MYLK: variants seen among roughly 807,000 people sequenced by gnomAD.
MYLK encodes the protein myosin light chain kinase, also known as myosin light chain kinase, smooth muscle.
MYLK carries 106 observed loss-of-function variants against 203.4 expected under a neutral mutation model. That is an observed-to-expected ratio of 0.52 (90% confidence interval 0.45 to 0.61). The LOEUF is 0.61. Among genes scored for constraint, MYLK ranks in the 20% least tolerant of loss-of-function variants. The pLI is 0.00. For missense variants in MYLK, 2,072 were observed against 2,442.3 expected, an observed-to-expected ratio of 0.85 and a Z score of 3.20; for synonymous variants, 867 against 959.5, an observed-to-expected ratio of 0.90 and a Z score of 1.78.
Position 123,793,816 on chromosome 3 carries a change from G to T in MYLK, c.26C>A (p.Ser9Ter). The T allele has an allele frequency of 6.2e-7, 1 of 1,614,202 alleles. No homozygotes were observed. The highest frequency in any genetic ancestry group is 8.5e-7 in the Non-Finnish European group (1 of 1,180,042). Residue 9 changes from serine to a stop codon, truncating the protein, a stop_gained, in exon 4 of 34, where the codon TCG becomes TAG. Coordinates refer to ENST00000360304, the MANE Select transcript of MYLK (RefSeq NM_053025.4). LOFTEE classifies it high-confidence loss of function. The part of the protein sequence containing the change: MGDVKLVA[S>*]SHISKTSLSV... Reference sequence around the variant, plus strand: ...GAGGGAGGTTTTGGAAATGTGTGACGAGGCAACCAGCTTCACATCCCCCAT... The same window carrying T: ...GAGGGAGGTTTTGGAAATGTGTGACTAGGCAACCAGCTTCACATCCCCCAT...
chr3:123,871,671 T>C (rs890566864), intron 2 of MYLK, among the ~76,000 whole-genome samples: 2 of 151,942 alleles, frequency 1.3e-5, no homozygotes, highest in Admixed American at 6.6e-5. Flanking sequence ...TAATTTGCTG[T>C]TGAAAATCAT....
chr3:123,616,187 G>GATAAT (rs1459572815), intron 33 of MYLK, among the ~76,000 whole-genome samples: 1 of 152,080 alleles, frequency 6.6e-6, no homozygotes, highest in African/African-American at 2.4e-5. Flanking sequence ...TAAAAGAGCT[G>GATAAT]ATAATATTGC....
rs1209829821 is a variant in MYLK at position 123,734,954 on chromosome 3, A to G, written c.773+444T>C. 7 of 271,658 alleles carry G rather than the reference A, an allele frequency of 2.6e-5. No individual in the cohort carries two copies. The East Asian group carries it at 5.8e-4, about 22-fold the overall frequency. The allele number at this position is 271,658 out of a possible 1,614,324, so 16.8% of individuals were successfully genotyped here. A position where few individuals can be genotyped will look rare whatever the true frequency, so the allele number is the denominator to read the frequency against. ...TCCTCACAGACGCATCCCAGTTGGT[A>G]ATGTGCGTTCGTGTGGTTTAAGCCC... is the stretch of plus-strand genomic sequence containing the variant. On this transcript the variant is annotated intron_variant, in intron 9 of 33. Coordinates refer to ENST00000360304, the MANE Select transcript of MYLK (RefSeq NM_053025.4).
intron 13 of MYLK, among the ~76,000 whole-genome samples, chr3:123,716,960 T>C (rs1288439716): frequency 6.6e-6 from 1 of 152,206 alleles, no homozygotes; most frequent in Admixed American, 6.5e-5. Context: ...AATGAAAATA[T>C]TGGTTATAAA....
At position 123,763,414 on chromosome 3, in the gene MYLK, C is replaced by T. The variant is rs142452385; in HGVS notation, c.166-10876G>A. On this transcript the variant is annotated intron_variant, in intron 4 of 33. Transcript: ENST00000360304. ...CTCTTGGAAATTTCTCATTCTATGCCACCGTTTTGATAGAATACCATTCCA... is the reference window on the plus strand; with the variant it reads ...CTCTTGGAAATTTCTCATTCTATGCTACCGTTTTGATAGAATACCATTCCA... 4.1e-3 allele frequency among the ~76,000 whole-genome samples: 627 copies of T among 152,234 alleles called. 2 individuals carry two copies. The highest frequency in any genetic ancestry group is 5.2e-3 in the South Asian group (25 of 4,826).
At chr3:123,757,124 C>T (rs928635254) in intron 4 of MYLK, among the ~76,000 whole-genome samples, 3 of 152,202 alleles carry the variant, frequency 2.0e-5, no homozygotes, top group African/African-American at 2.4e-5. Context: ...GAACCTGGTG[C>T]TGCCTTGAGA....
chr3:123,817,364 C>T (rs1305782884), intron 3 of MYLK, among the ~76,000 whole-genome samples: 1 of 152,192 alleles, frequency 6.6e-6, no homozygotes, highest in Admixed American at 6.5e-5. Context: ...CAGAGTGGAA[C>T]ATATACTGTG....
intron 18 of MYLK, among the ~76,000 whole-genome samples, chr3:123,694,805 C>T (rs2060843260): frequency 6.6e-6 from 1 of 152,370 alleles, no homozygotes; most frequent in East Asian, 1.9e-4. Context: ...TGTGCATGGG[C>T]TTGGGGAGGC....
chr3:123,639,616 G>A (rs747123466), intron 28 of MYLK, among the ~76,000 whole-genome samples: 1 of 152,148 alleles, frequency 6.6e-6, no homozygotes, highest in African/African-American at 2.4e-5. Flanking sequence ...CTTTCAGGGC[G>A]GCCTTGAGAC....
At chr3:123,678,889 A>G (rs1486185749) in intron 20 of MYLK, among the ~76,000 whole-genome samples, 1 of 152,234 alleles carries the variant, frequency 6.6e-6, no homozygotes, top group Non-Finnish European at 1.5e-5. Context: ...GAGGACTTTC[A>G]TGTTGTACAT....
intron 29 of MYLK, among the ~76,000 whole-genome samples, chr3:123,637,219 T>A (rs979649448): frequency 2.0e-5 from 3 of 152,214 alleles, no homozygotes; most frequent in Middle Eastern, 3.2e-3. Context: ...CAGGGGCTAA[T>A]GACCGTCCGC....
chr3:123,678,701 T>G (rs1438173564), intron 20 of MYLK, among the ~76,000 whole-genome samples: 1 of 151,952 alleles, frequency 6.6e-6, no homozygotes, highest in East Asian at 1.9e-4. Context: ...CAGAGGTGTC[T>G]GGGACTGGGG....
At chr3:123,837,552 CTAT>C (rs1310639501) in intron 2 of MYLK, among the ~76,000 whole-genome samples, 1 of 147,090 alleles carries the variant, frequency 6.8e-6, no homozygotes, top group Non-Finnish European at 1.5e-5. Flanking sequence ...TATATATGCT[CTAT>C]TGAGATATAA....
At chr3:123,638,554 A>G (rs915636544) in intron 28 of MYLK, among the ~76,000 whole-genome samples, 1 of 152,170 alleles carries the variant, frequency 6.6e-6, no homozygotes, top group East Asian at 1.9e-4. Flanking sequence ...ACTATGTCCT[A>G]TGTACCCCAC....
In MYLK at chr3:123,809,659, A is replaced by G. The variant is rs182913950; in HGVS notation, c.-3-15815T>C. Among the ~76,000 whole-genome samples the G allele has an allele frequency of 1.8e-3, 276 of 152,364 alleles. No individual in the cohort carries two copies. The Middle Eastern group carries it at 0.024, about 13-fold the overall frequency. On this transcript the variant is annotated intron_variant, in intron 3 of 33. Transcript: ENST00000360304. ...CTCTGCTCTGCAGACAGCAGCTCAGACACACTATCCTAAACCTCTCACCAG... is the reference window on the plus strand; with the variant it reads ...CTCTGCTCTGCAGACAGCAGCTCAGGCACACTATCCTAAACCTCTCACCAG...
intron 29 of MYLK, among the ~76,000 whole-genome samples, chr3:123,633,136 AT>A (rs890549007): frequency 6.6e-6 from 1 of 150,968 alleles, no homozygotes; most frequent in Non-Finnish European, 1.5e-5. Context: ...ATTTCTTTTT[AT>A]TTTTTTGAGA....
intron 31 of MYLK, chr3:123,623,689 C>T (rs1314363945): frequency 6.6e-6 from 1 of 152,324 alleles, no homozygotes; most frequent in Admixed American, 6.5e-5. Flanking sequence ...CCCACTCCAC[C>T]CCACTGCACA....
rs1474053544 is a variant in MYLK at position 123,740,007 on chromosome 3, A to G, written c.374-6T>C. 3 of 1,613,766 alleles carry G rather than the reference A, an allele frequency of 1.9e-6. No homozygotes were observed. The African/African-American group carries it at 4.0e-5, about 22-fold the overall frequency. Reference sequence around the variant, plus strand: ...AAGCTGCTTCGCAAAACTTCCTGCAAGAAAAAGAGTTGATGAGTCAGGTCT... The same window carrying G: ...AAGCTGCTTCGCAAAACTTCCTGCAGGAAAAAGAGTTGATGAGTCAGGTCT... On this transcript the variant is annotated splice_region_variant and splice_polypyrimidine_tract_variant and intron_variant, in intron 5 of 33. Transcript: ENST00000360304.
At chr3:123,684,818 G>A (rs1464836214) in intron 19 of MYLK, among the ~76,000 whole-genome samples, 1 of 152,240 alleles carries the variant, frequency 6.6e-6, no homozygotes, top group African/African-American at 2.4e-5. Context: ...TTACTGGCGT[G>A]AGCCACGGCA....
Sources: allele counts gnomAD v4.1 joint callset (sites outside exome capture counted in the v4.1 genomes callset), GRCh38; gene constraint gnomAD v4.1.1; transcripts MANE v1.5; gene names NCBI Gene and HGNC (gene_info 2026-07-23, HGNC 2026-07-21).